The following CFAP43 variants were observed in gnomAD, a reference collection of about 807,000 sequenced individuals.
CFAP43 encodes the protein cilia and flagella associated protein 43.
Under a neutral mutation model 218.9 loss-of-function variants are expected in CFAP43, and 155 were observed. That is an observed-to-expected ratio of 0.71 (90% CI 0.62 to 0.81). The LOEUF is 0.81. CFAP43 is among the 30% of genes least tolerant of loss of function. The probability of loss-of-function intolerance (pLI) is 0.00; values close to 1 mark genes in which losing one functional copy is unlikely to be tolerated. For missense variants in CFAP43, 1,778 were observed against 1,954.3 expected (o/e 0.91, Z 1.70); for synonymous variants, 645 against 681.3 (o/e 0.95, Z 0.83).
chr10:104,197,430 A>G (rs901484415), intron 9 of CFAP43, among the ~76,000 whole-genome samples: 43 of 152,358 alleles, frequency 2.8e-4, no homozygotes, highest in African/African-American at 1.0e-3. Flanking sequence ...CTGAAGAGCC[A>G]ATATTGACAT....
chr10:104,159,556 G>A (rs935574434), intron 27 of CFAP43, among the ~76,000 whole-genome samples: 51 of 152,126 alleles, frequency 3.4e-4, no homozygotes, highest in Admixed American at 1.3e-4. Flanking sequence ...AGAGGACCAG[G>A]CTTAGGTGGA....
intron 8 of CFAP43, among the ~76,000 whole-genome samples, chr10:104,200,145 G>C (rs2134938604): frequency 6.6e-6 from 1 of 152,276 alleles, no homozygotes; most frequent in South Asian, 2.1e-4. Flanking sequence ...TATATTAGAA[G>C]TTAATCACTT....
At chr10:104,193,002 G>A (rs1044071276) in intron 11 of CFAP43, 2 of 152,170 alleles carry the variant, frequency 1.3e-5, no homozygotes, top group African/African-American at 4.8e-5. Context: ...TTTCTGACTG[G>A]TGTTTTGAGG....
chr10:104,174,541 G>C (rs2089538825), intron 19 of CFAP43, among the ~76,000 whole-genome samples: 1 of 152,142 alleles, frequency 6.6e-6, no homozygotes, highest in South Asian at 2.1e-4. Context: ...TTCAAGATGA[G>C]ATTTGGGTGG....
At chr10:104,159,628 C>T (rs561384198) in intron 27 of CFAP43, among the ~76,000 whole-genome samples, 7 of 152,192 alleles carry the variant, frequency 4.6e-5, no homozygotes, top group Admixed American at 6.6e-5. Context: ...GTGGAGCTGG[C>T]GGGTGGATGC....
At chr10:104,179,175 G>A in intron 18 of CFAP43, 69 bp from the exon 19 acceptor site, 2 of 1,347,692 alleles carry the variant, frequency 1.5e-6, no homozygotes, top group Non-Finnish European at 2.1e-6. Context: ...GAGAGAGAGA[G>A]AGAGAGCAAT....
chr10:104,189,321 A>G (rs1331343324), intron 12 of CFAP43, among the ~76,000 whole-genome samples: 1 of 152,178 alleles, frequency 6.6e-6, no homozygotes, highest in Non-Finnish European at 1.5e-5. Context: ...CTGTCCCACA[A>G]CAGTTAACAT....
chr10:104,136,166 G>C (rs1385525397), intron 34 of CFAP43, among the ~76,000 whole-genome samples: 1 of 145,684 alleles, frequency 6.9e-6, no homozygotes, highest in Non-Finnish European at 1.5e-5. Context: ...CAGGAGAATC[G>C]CTTGAATCCG....
chr10:104,147,773 T>C (rs889785622), intron 29 of CFAP43, 118 bp downstream of exon 29: 2 of 536,118 alleles, frequency 3.7e-6, no homozygotes, highest in African/African-American at 2.0e-5. Flanking sequence ...GGGATGCACA[T>C]GGTTATGTAG....
intron 27 of CFAP43, among the ~76,000 whole-genome samples, chr10:104,155,539 G>C (rs2088497123): frequency 6.6e-6 from 1 of 152,156 alleles, no homozygotes; most frequent in South Asian, 2.1e-4. Flanking sequence ...ATCTTGAAGG[G>C]GGTAGGGGAG....
At position 104,232,312 on chromosome 10, in the gene CFAP43, TTCC is replaced by T. The variant is rs2091473618; in HGVS notation, c.-69_-67del. 6.9e-7 allele frequency: 1 copy of T among 1,446,428 alleles called. No individual in the cohort carries two copies. The highest frequency in any genetic ancestry group is 9.1e-7 in the Non-Finnish European group (1 of 1,093,024). 89.6% of individuals were successfully genotyped at this position (1,446,428 alleles called of 1,614,324 possible). A position where few individuals can be genotyped will look rare whatever the true frequency, so the allele number is the denominator to read the frequency against. ...GCACCCCAGGGCGGGTCGGTTACCTTTCCGCCGCCGCGGGGCTGCGGGCCGCGA... is the reference window on the plus strand; with the variant it reads ...GCACCCCAGGGCGGGTCGGTTACCTTGCCGCCGCGGGGCTGCGGGCCGCGA... On this transcript the variant is annotated 5_prime_UTR_variant, in exon 1 of 38. Coordinates refer to ENST00000357060, the MANE Select transcript of CFAP43 (RefSeq NM_025145.7).
At chr10:104,187,636 TA>T in intron 13 of CFAP43, 144 bp from the exon 14 acceptor site, 1 of 651,084 alleles carries the variant, frequency 1.5e-6, no homozygotes, top group Non-Finnish European at 2.4e-6. Flanking sequence ...AAAAATGATT[TA>T]AAAACACTTG....
At position 104,182,410 on chromosome 10, in the gene CFAP43, T is replaced by G; in HGVS notation, c.2245A>C (p.Thr749Pro). The change falls in exon 17 of 38, where the codon ACA becomes CCA. Residue 749 changes from threonine to proline, a missense_variant. Coordinates refer to ENST00000357060, the MANE Select transcript of CFAP43 (RefSeq NM_025145.7). ...CCCAAATCTACGGAAACTTTTGGTG[T>G]TGTGCTTAAATAATGATTCTCCTTG... ...MDKENHYLST[T>P]PKVSVDLGSD... The G allele has an allele frequency of 6.2e-7, 1 of 1,611,840 alleles. No individual in the cohort carries two copies. The highest frequency in any genetic ancestry group is 1.7e-5 in the Admixed American group (1 of 59,544).
At chr10:104,198,936 C>A (rs1259765957) in intron 8 of CFAP43, among the ~76,000 whole-genome samples, 2 of 152,224 alleles carry the variant, frequency 1.3e-5, no homozygotes, top group Non-Finnish European at 2.9e-5. Context: ...TAGGCATGAG[C>A]CACCACGCCT....
At chr10:104,198,196 A>C (rs1251673558) in intron 8 of CFAP43, among the ~76,000 whole-genome samples, 158 bp from the exon 9 acceptor site, 1 of 152,256 alleles carries the variant, frequency 6.6e-6, no homozygotes, top group Non-Finnish European at 1.5e-5. Flanking sequence ...GAAGGGCTTA[A>C]AATCCAGACA....
intron 8 of CFAP43, among the ~76,000 whole-genome samples, chr10:104,203,266 A>G (rs75365478): frequency 0.14 from 20,844 of 152,184 alleles, 1,497 homozygotes; most frequent in South Asian, 0.21. Flanking sequence ...TCTAGATTCC[A>G]AGATTTTTTT....
intron 17 of CFAP43, among the ~76,000 whole-genome samples, chr10:104,180,628 G>A (rs2089801298): frequency 6.6e-6 from 1 of 151,820 alleles, no homozygotes. Flanking sequence ...TGTATTTTTA[G>A]TAGAGACAGG....
chr10:104,181,894 T>C (rs926303647), intron 17 of CFAP43, among the ~76,000 whole-genome samples: 2 of 152,188 alleles, frequency 1.3e-5, no homozygotes, highest in African/African-American at 4.8e-5. Flanking sequence ...TCCCTGCCCA[T>C]CTCCAACCCC....
chr10:104,219,971 C>T lies in CFAP43; in HGVS notation c.416+5490G>A, dbSNP rs545826479. ...ATTCCCGTGTTAATATCCTAACCCC[C>T]AGCACCTCAGAATGTGACCTTATTT... On this transcript the variant is annotated intron_variant, in intron 3 of 37. Coordinates refer to ENST00000357060, the MANE Select transcript of CFAP43 (RefSeq NM_025145.7). Among the ~76,000 whole-genome samples the T allele has an allele frequency of 1.4e-4, 21 of 152,314 alleles. No homozygotes were observed. In the East Asian group the frequency reaches 4.1e-3, roughly 29 times the overall value.
Sources: allele counts gnomAD v4.1 joint callset (sites outside exome capture counted in the v4.1 genomes callset), GRCh38; gene constraint gnomAD v4.1.1; transcripts MANE v1.5; gene names NCBI Gene and HGNC (gene_info 2026-07-23, HGNC 2026-07-21).